The following INO80C variants were observed in gnomAD, a reference collection of about 807,000 sequenced individuals.
INO80C encodes the protein IES6 homolog.
A neutral mutation model predicts 17.7 loss-of-function variants in INO80C; 17 were observed. The observed-to-expected ratio is 0.96, with a 90% CI of 0.66 to 1.44. INO80C has a LOEUF of 1.44. Among genes scored for constraint, INO80C ranks in the 40% most tolerant of loss-of-function variants. The pLI, the probability that INO80C is intolerant of heterozygous loss-of-function variation, is 0.00. For synonymous variants in INO80C, 96 were observed against 95.8 expected (o/e 1.00, Z -0.01); for missense variants, 244 against 245.0 (o/e 1.00, Z 0.03).
In INO80C at chr18:35,492,010, A is replaced by G. The variant is rs561132125; in HGVS notation, c.156+5709T>C. The stretch of plus-strand genomic sequence containing the variant: ...GTCTCGCCCTGCTCTGCTCTGCCCA[A>G]CTGAAGAACCCAAATCAATGGCTTC... On this transcript the variant is annotated intron_variant, in intron 1 of 4. Transcript: ENST00000334598. 5.9e-5 allele frequency among the ~76,000 whole-genome samples: 9 copies of G among 152,280 alleles called. No homozygotes were observed. The East Asian group carries it at 7.7e-4, about 13-fold the overall frequency.
At chr18:35,474,886 A>G (rs558618366) in intron 4 of INO80C, among the ~76,000 whole-genome samples, 5 of 152,354 alleles carry the variant, frequency 3.3e-5, no homozygotes, top group African/African-American at 1.2e-4. Context: ...CCGCAACGAA[A>G]TAAGAGTTTT....
Position 35,497,675 on chromosome 18 carries a change from C to G in INO80C, c.156+44G>C, listed in dbSNP as rs974770686. 7 of 1,586,672 alleles carry G rather than the reference C, an allele frequency of 4.4e-6. No individual in the cohort carries two copies. The South Asian group carries it at 6.7e-5, about 15-fold the overall frequency. On this transcript the variant is annotated intron_variant, in intron 1 of 4. Coordinates refer to ENST00000334598, the MANE Select transcript of INO80C (RefSeq NM_194281.4). ...GGCTCGGCTCCGCCCCGCCAAGTCC[C>G]GTTTCGCGACGCGCACGCGCAGCCT...
At chr18:35,470,782 T>C (rs1302619557) in intron 4 of INO80C, among the ~76,000 whole-genome samples, 1 of 152,198 alleles carries the variant, frequency 6.6e-6, no homozygotes, top group Non-Finnish European at 1.5e-5. Context: ...GGCCAACATC[T>C]AGGATTCTGA....
At chr18:35,469,876 T>C (rs1455208297) in intron 4 of INO80C, among the ~76,000 whole-genome samples, 3 of 152,138 alleles carry the variant, frequency 2.0e-5, no homozygotes, top group African/African-American at 7.2e-5. Context: ...AAACAGACAA[T>C]TGGGACCATC....
Position 35,468,734 on chromosome 18 carries a change from G to C in INO80C, c.456C>G (p.Tyr152Ter), listed in dbSNP as rs781220641. 5 of 1,613,952 alleles carry C rather than the reference G, an allele frequency of 3.1e-6. No homozygotes were observed. In the South Asian group the frequency reaches 4.4e-5, roughly 14 times the overall value. Residue 152 changes from tyrosine (Y) to a stop codon, truncating the protein, a stop_gained, in exon 5 of 5, where the codon TAC (tyrosine) becomes TAG (stop). Transcript: ENST00000334598. LOFTEE classifies it high-confidence loss of function. ...ACCGCAGTTTGCTCTGGGGGTCTGTGTAGTTGGCCTGGGTGAAAAGAGGCA... is the reference window on the plus strand; with the variant it reads ...ACCGCAGTTTGCTCTGGGGGTCTGTCTAGTTGGCCTGGGTGAAAAGAGGCA... ...YSDVSGLLAN[Y>*]TDPQSKLRFS...
intron 1 of INO80C, among the ~76,000 whole-genome samples, chr18:35,490,947 A>T (rs1342716050): frequency 1.3e-5 from 2 of 152,272 alleles, no homozygotes; most frequent in Non-Finnish European, 2.9e-5. Context: ...TTTTGTAGAG[A>T]CAAGGTTTCA....
At position 35,497,767 on chromosome 18, in the gene INO80C, G is replaced by GCC; in HGVS notation, c.106_107dup (p.Tyr37AlafsTer24). 2.5e-6 allele frequency: 4 copies of GCC among 1,612,372 alleles called. No individual in the cohort carries two copies. Among genetic ancestry groups the GCC allele is most frequent in the Non-Finnish European group, 3.4e-6 (4 of 1,179,228 alleles). On this transcript the variant is annotated frameshift_variant, in exon 1 of 5. Transcript: ENST00000334598. LOFTEE classifies it high-confidence loss of function. ...CTTTTTTCTTCTTACTGGCGCCATAGCCCCCGCCGCTGCTGCCATTGTGGG... is the reference window on the plus strand; with the variant it reads ...CTTTTTTCTTCTTACTGGCGCCATAGCCCCCCCGCCGCTGCTGCCATTGTGGG...
chr18:35,479,900 T>TA (rs1491443775), intron 2 of INO80C, among the ~76,000 whole-genome samples: 41 of 151,462 alleles, frequency 2.7e-4, no homozygotes, highest in Middle Eastern at 3.4e-3. Context: ...TTTTTTTTTT[T>TA]ATCCTACAAA....
At position 35,474,189 on chromosome 18, in the gene INO80C, GTA is replaced by G. The variant is rs1291515645; in HGVS notation, c.447+4091_447+4092del. Among the ~76,000 whole-genome samples the G allele has an allele frequency of 3.0e-3, 319 of 107,746 alleles. 4 individuals carry two copies. The highest frequency in any genetic ancestry group is 0.01 in the African/African-American group (297 of 29,226). 70.7% of individuals were successfully genotyped at this position (107,746 alleles called of 152,430 possible). A position where few individuals can be genotyped will look rare whatever the true frequency, so the allele number is the denominator to read the frequency against. On this transcript the variant is annotated intron_variant, in intron 4 of 4. Coordinates refer to ENST00000334598, the MANE Select transcript of INO80C (RefSeq NM_194281.4). ...TATATATATATATGTATATATATGTGTATATGTGTGTGTGTGTCTATATATAT... is the reference window on the plus strand; with the variant it reads ...TATATATATATATGTATATATATGTGTATGTGTGTGTGTGTCTATATATAT...
rs756016617 is a variant in INO80C, at chr18:35,468,645, A to G, written c.545T>C (p.Leu182Pro). Reference sequence around the variant, plus strand: ...GATGCTCGTGGCCTTCCTCAGGGCCAGGTAGCCGGTGACGACGTCAGAGGG... The same window carrying G: ...GATGCTCGTGGCCTTCCTCAGGGCCGGGTAGCCGGTGACGACGTCAGAGGG... Reference protein sequence around the residue: ...RLPSDVVTGYLALRKATSIVP With the variant: ...RLPSDVVTGYPALRKATSIVP Residue 182 changes from leucine (L) to proline (P), a missense_variant, in exon 5 of 5, where the codon CTG (leucine) becomes CCG (proline). Transcript: ENST00000334598. 1 of 1,614,098 alleles carries G rather than the reference A, an allele frequency of 6.2e-7. No individual in the cohort carries two copies. Among genetic ancestry groups the G allele is most frequent in the Non-Finnish European group, 8.5e-7 (1 of 1,179,992 alleles).
At chr18:35,481,879 T>A (rs2045813332) in intron 1 of INO80C, among the ~76,000 whole-genome samples, 1 of 152,158 alleles carries the variant, frequency 6.6e-6, no homozygotes, top group Admixed American at 6.5e-5. Context: ...GAGACTCTAC[T>A]CCGTCTCAAA....
chr18:35,495,077 T>C (rs2045967996), intron 1 of INO80C, among the ~76,000 whole-genome samples: 1 of 152,228 alleles, frequency 6.6e-6, no homozygotes, highest in African/African-American at 2.4e-5. Flanking sequence ...TGCTTATGCC[T>C]GCTTATTTCC....
At chr18:35,474,983 G>A (rs1000578351) in intron 4 of INO80C, among the ~76,000 whole-genome samples, 3 of 152,114 alleles carry the variant, frequency 2.0e-5, no homozygotes, top group African/African-American at 7.2e-5. Context: ...AATCCTAGAA[G>A]AAGGGAAAAA....
chr18:35,485,140 C>G (rs905938895), intron 1 of INO80C, among the ~76,000 whole-genome samples: 8 of 151,936 alleles, frequency 5.3e-5, no homozygotes, highest in Admixed American at 2.6e-4. Flanking sequence ...AAGTCCCTAT[C>G]TCCAGAATGT....
At chr18:35,494,327 T>A (rs2045958553) in intron 1 of INO80C, among the ~76,000 whole-genome samples, 1 of 152,148 alleles carries the variant, frequency 6.6e-6, no homozygotes, top group South Asian at 2.1e-4. Context: ...CTAATCTAGG[T>A]GCAGCTACAA....
intron 4 of INO80C, among the ~76,000 whole-genome samples, chr18:35,472,670 C>T (rs954779782): frequency 1.3e-5 from 2 of 152,078 alleles, no homozygotes; most frequent in South Asian, 2.1e-4. Flanking sequence ...CAGACTGCTC[C>T]AATTGTCCTC....
Position 35,478,354 on chromosome 18 carries a change from G to GAA in INO80C, c.380-7_380-6dup, listed in dbSNP as rs369208692. The GAA allele has an allele frequency of 4.4e-3, 5,553 of 1,264,484 alleles. No homozygotes were observed. Among genetic ancestry groups the GAA allele is most frequent in the South Asian group, 6.6e-3 (439 of 66,710 alleles). 78.3% of individuals were successfully genotyped at this position (1,264,484 alleles called of 1,614,324 possible). A position where few individuals can be genotyped will look rare whatever the true frequency, so the allele number is the denominator to read the frequency against. ...GAGGAGCATCAATACTGAAGTCTGGGAAAAAAAAAAAAAAAAGATAACTAA... is the reference window on the plus strand; with the variant it reads ...GAGGAGCATCAATACTGAAGTCTGGGAAAAAAAAAAAAAAAAAAGATAACTAA... On this transcript the variant is annotated splice_region_variant and splice_polypyrimidine_tract_variant and intron_variant, in intron 3 of 4. Coordinates refer to ENST00000334598, the MANE Select transcript of INO80C (RefSeq NM_194281.4).
At chr18:35,497,357 C>A (rs1332872584) in intron 1 of INO80C, 28 of 1,038,086 alleles carry the variant, frequency 2.7e-5, no homozygotes, top group Non-Finnish European at 2.8e-5. Context: ...CTCAAAGACA[C>A]TGGGTAGATG....
chr18:35,491,332 C>A (rs974764479), intron 1 of INO80C, among the ~76,000 whole-genome samples: 2 of 152,134 alleles, frequency 1.3e-5, no homozygotes, highest in Non-Finnish European at 2.9e-5. Context: ...AGGCAGCAAG[C>A]TAGAGAAGAG....
Sources: gnomAD v4.1 joint callset for allele counts (sites outside exome capture counted in the v4.1 genomes callset) on GRCh38, gnomAD v4.1.1 for gene constraint, MANE v1.5 for transcripts, NCBI Gene and HGNC (gene_info 2026-07-23, HGNC 2026-07-21) for gene names.